CD8A: variants seen among roughly 807,000 people sequenced by gnomAD.
CD8A encodes T-cell surface glycoprotein CD8 alpha chain.
In CD8A, 25 loss-of-function variants were observed where a neutral mutation model predicts 24.2. The observed-to-expected ratio is 1.03, with a 90% CI of 0.75 to 1.44. CD8A has a LOEUF of 1.44. Among genes scored for constraint, CD8A ranks in the 40% most tolerant of loss-of-function variants. The pLI is 0.00. For missense variants in CD8A, 360 were observed against 319.7 expected (o/e 1.13, Z -0.96); for synonymous variants, 165 against 149.9 (o/e 1.10, Z -0.74).
intron 2 of CD8A, 26 bp from the exon 3 acceptor site, chr2:86,789,776 G>C: frequency 7.6e-7 from 1 of 1,308,074 alleles, no homozygotes; most frequent in Non-Finnish European, 9.8e-7. Context: ...AGCGTGGTTG[G>C]GGGCCAGGCT....
At chr2:86,801,003 C>G (rs1007094217) in intron 3 of CD8A, among the ~76,000 whole-genome samples, 2 of 152,142 alleles carry the variant, frequency 1.3e-5, no homozygotes, top group African/African-American at 4.8e-5. Flanking sequence ...GGTGATGTTT[C>G]TACAAGTCAA....
chr2:86,796,166 T>G (rs577123234), intron 3 of CD8A, among the ~76,000 whole-genome samples: 2 of 152,158 alleles, frequency 1.3e-5, no homozygotes, highest in Admixed American at 1.3e-4. Context: ...GAGAAATTCA[T>G]AGAGAATGCA....
At position 86,784,731 on chromosome 2, in the gene CD8A, C is replaced by G; in HGVS notation, c.*1189G>C. 1 of 453,440 alleles carries G rather than the reference C, an allele frequency of 2.2e-6. No individual in the cohort carries two copies. The highest frequency in any genetic ancestry group is 1.6e-5 in the South Asian group (1 of 64,446). 28.1% of individuals were successfully genotyped at this position (453,440 alleles called of 1,614,324 possible). ...TTTACATGTATGTGTAGAAAATAAT[C>G]AGGAAGAATGTACACCATATTAACA... On this transcript the variant is annotated 3_prime_UTR_variant, in exon 6 of 6. Coordinates refer to ENST00000283635, the MANE Select transcript of CD8A (RefSeq NM_001768.7).
chr2:86,788,538 T>C lies in CD8A; in HGVS notation c.648A>G (p.Lys216=), dbSNP rs1236635558. The change falls in exon 5 of 6, where the codon AAA becomes AAG. Residue 216 remains lysine (K), a synonymous_variant. Coordinates refer to ENST00000283635, the MANE Select transcript of CD8A (RefSeq NM_001768.7). The part of the protein sequence containing the change: ...CNHRNRRRVC[K]CPRPVVKSGD... ...GTTCAAAAGAGACTCACCGGGGACA[T>C]TTGCAAACACGTCTTCGGTTCCCTG... 6.2e-7 allele frequency: 1 copy of C among 1,613,202 alleles called. No homozygotes were observed. Among genetic ancestry groups the C allele is most frequent in the Non-Finnish European group, 8.5e-7 (1 of 1,179,620 alleles).
chr2:86,801,466 C>A, intron 3 of CD8A: 1 of 153,560 alleles, frequency 6.5e-6, no homozygotes, highest in Non-Finnish European at 1.4e-5. Context: ...GTCCTCCCAC[C>A]TCAGCCTCCC....
chr2:86,789,212 TC>T, intron 4 of CD8A, 110 bp downstream of exon 4: 1 of 774,260 alleles, frequency 1.3e-6, no homozygotes, highest in Non-Finnish European at 2.4e-6. Flanking sequence ...AGCTCGGGAG[TC>T]CCAGAAAACT....
chr2:86,800,889 G>A (rs1359047655), intron 3 of CD8A, among the ~76,000 whole-genome samples: 1 of 152,188 alleles, frequency 6.6e-6, no homozygotes, highest in Non-Finnish European at 1.5e-5. Context: ...GTTCAAATGA[G>A]GCCAATAGGA....
rs1220646495 is a variant in CD8A, at chr2:86,785,450, G to T, written c.*470C>A. 2.2e-6 allele frequency: 1 copy of T among 455,794 alleles called. No homozygotes were observed. Among genetic ancestry groups the T allele is most frequent in the East Asian group, 6.9e-5 (1 of 14,440 alleles). 28.2% of individuals were successfully genotyped at this position (455,794 alleles called of 1,614,324 possible). ...CACCCTGAGACAGGGGCCTCGGAAA[G>T]AAAGACCTGAATGGTGTGGAGGAAA... On this transcript the variant is annotated 3_prime_UTR_variant, in exon 6 of 6. Coordinates refer to ENST00000283635, the MANE Select transcript of CD8A (RefSeq NM_001768.7).
At position 86,806,147 on chromosome 2, in the gene CD8A, A is replaced by C. The variant is rs1245460869; in HGVS notation, c.-418+1300T>G. Among the ~76,000 whole-genome samples the C allele has an allele frequency of 2.0e-5, 3 of 152,108 alleles. No homozygotes were observed. The East Asian group carries it at 5.8e-4, about 29-fold the overall frequency. ...CTCGACCATAAAACTTTTCACTCCC[A>C]CGTTATGCAAACGGTGATGACCTTG... On this transcript the variant is annotated intron_variant, in intron 2 of 8. Transcript: ENST00000409511.
chr2:86,800,858 G>A (rs1475861079), intron 3 of CD8A, among the ~76,000 whole-genome samples: 2 of 152,152 alleles, frequency 1.3e-5, no homozygotes, highest in African/African-American at 4.8e-5. Flanking sequence ...TTGGAGACAA[G>A]GTCCTTACAG....
At chr2:86,789,506 G>T in intron 3 of CD8A, 73 bp from the exon 4 acceptor site, 1 of 1,375,910 alleles carries the variant, frequency 7.3e-7, no homozygotes, top group Non-Finnish European at 1.0e-6. Flanking sequence ...TCCCGGGAAC[G>T]TCTCTCCGCC....
At position 86,800,287 on chromosome 2, in the gene CD8A, G is replaced by A. The variant is rs182126704; in HGVS notation, c.-271+1224C>T. Among the ~76,000 whole-genome samples the A allele has an allele frequency of 5.7e-3, 868 of 151,552 alleles. 4 individuals are homozygous for A. Among genetic ancestry groups the A allele is most frequent in the Non-Finnish European group, 8.0e-3 (541 of 67,850 alleles). ...AGCCTGGCCAACATGGTGAAACCCCGTCTCTACTAAAAATACAAAGAAAAT... is the reference window on the plus strand; with the variant it reads ...AGCCTGGCCAACATGGTGAAACCCCATCTCTACTAAAAATACAAAGAAAAT... On this transcript the variant is annotated intron_variant, in intron 3 of 8. Coordinates refer to the CD8A transcript ENST00000409511.
At chr2:86,792,720 G>A (rs552961466), upstream of CD8A, among the ~76,000 whole-genome samples, 88 of 151,972 alleles carry the variant, frequency 5.8e-4, no homozygotes, top group African/African-American at 2.1e-3. Context: ...GGTCTCCAAT[G>A]CCCGAGGTCA....
In CD8A at chr2:86,784,917, G is replaced by C; in HGVS notation, c.*1003C>G. The stretch of plus-strand genomic sequence containing the variant: ...GCTCTCAGCCTCCTTAAGAGAGTCA[G>C]GTCTGCCTCATCCCTGTATCTGCTA... On this transcript the variant is annotated 3_prime_UTR_variant, in exon 6 of 6. Transcript: ENST00000283635. 1 of 454,078 alleles carries C rather than the reference G, an allele frequency of 2.2e-6. No homozygotes were observed. Among genetic ancestry groups the C allele is most frequent in the Non-Finnish European group, 4.4e-6 (1 of 226,802 alleles). The allele number at this position is 454,078 out of a possible 1,614,324, so 28.1% of individuals were successfully genotyped here. A position where few individuals can be genotyped will look rare whatever the true frequency, so the allele number is the denominator to read the frequency against.
At position 86,785,905 on chromosome 2, in the gene CD8A, GGCTGTT is replaced by G. The variant is rs765010515; in HGVS notation, c.*9_*14del. On this transcript the variant is annotated 3_prime_UTR_variant, in exon 6 of 6. Transcript: ENST00000283635. Reference sequence around the variant, plus strand: ...GGATCTCAGTTTGAAGTAATGTAGTGGCTGTTGCACAGGGTTAGACGTATCTCGCCG... The same window carrying G: ...GGATCTCAGTTTGAAGTAATGTAGTGGCACAGGGTTAGACGTATCTCGCCG... 5.6e-6 allele frequency: 9 copies of G among 1,595,634 alleles called. No individual in the cohort carries two copies. In the East Asian group the frequency reaches 2.0e-4, roughly 36 times the overall value.
intron 4 of CD8A, 83 bp downstream of exon 4, chr2:86,789,240 C>G (rs1392608060): frequency 1.5e-5 from 14 of 909,502 alleles, no homozygotes; most frequent in Non-Finnish European, 2.4e-5. Context: ...CAAGCTCCCC[C>G]CTCGCAAGGT....
chr2:86,799,539 G>A (rs1295200081), intron 3 of CD8A, among the ~76,000 whole-genome samples: 7 of 151,576 alleles, frequency 4.6e-5, no homozygotes, highest in African/African-American at 1.2e-4. Context: ...GGCGGATCAC[G>A]AAGTCAGGAG....
chr2:86,786,651 TGA>T (rs1673007581), intron 5 of CD8A, among the ~76,000 whole-genome samples: 1 of 152,084 alleles, frequency 6.6e-6, no homozygotes, highest in Non-Finnish European at 1.5e-5. Flanking sequence ...CATCTCAAAA[TGA>T]GAGTTTTCAG....
At chr2:86,791,161 T>A, upstream of CD8A, 1 of 568,382 alleles carries the variant, frequency 1.8e-6, no homozygotes, top group Non-Finnish European at 3.3e-6. Flanking sequence ...CTTGTGAGAG[T>A]GACAGAGTGG....
Sources: allele counts gnomAD v4.1 joint callset (sites outside exome capture counted in the v4.1 genomes callset), GRCh38; gene constraint gnomAD v4.1.1; transcripts MANE v1.5; gene names NCBI Gene and HGNC (gene_info 2026-07-23, HGNC 2026-07-21).